SLC4A10: variants seen among roughly 807,000 people sequenced by gnomAD.
SLC4A10 encodes sodium-driven chloride bicarbonate exchanger.
Under a neutral mutation model 137.7 loss-of-function variants are expected in SLC4A10, and 42 were observed. The observed-to-expected ratio is 0.30, with a 90% confidence interval of 0.24 to 0.39. The LOEUF is 0.39. SLC4A10 is among the 10% of genes least tolerant of loss of function. The pLI is 1.00. For synonymous variants in SLC4A10, 474 were observed against 464.1 expected (o/e 1.02, Z -0.27); for missense variants, 925 against 1,355.0 (o/e 0.68, Z 4.98).
intron 2 of SLC4A10, among the ~76,000 whole-genome samples, chr2:161,800,400 A>T (rs1379841259): frequency 6.6e-6 from 1 of 152,036 alleles, no homozygotes; most frequent in Non-Finnish European, 1.5e-5. Flanking sequence ...ATGGATATTT[A>T]TTGAGCACCA....
At chr2:161,767,139 A>ATATATATATATATATG (rs1362865580) in intron 1 of SLC4A10, among the ~76,000 whole-genome samples, 1 of 57,108 alleles carries the variant, frequency 1.8e-5, no homozygotes, top group African/African-American at 5.6e-5. Context: ...ATATATATAT[A>ATATATATATATATATG]TGTGTGTGTG....
intron 2 of SLC4A10, among the ~76,000 whole-genome samples, chr2:161,779,047 C>T (rs768260704): frequency 3.3e-5 from 5 of 151,882 alleles, no homozygotes; most frequent in Non-Finnish European, 5.9e-5. Flanking sequence ...AACTATGGCA[C>T]CGGCATCTTC....
intron 1 of SLC4A10, among the ~76,000 whole-genome samples, chr2:161,676,396 A>G (rs1032990513): frequency 6.6e-6 from 1 of 152,116 alleles, no homozygotes; most frequent in Non-Finnish European, 1.5e-5. Flanking sequence ...ATTTTTTGCT[A>G]GACTTTTGCT....
intron 2 of SLC4A10, among the ~76,000 whole-genome samples, chr2:161,787,779 A>G (rs1464441767): frequency 1.3e-5 from 2 of 152,108 alleles, no homozygotes; most frequent in Admixed American, 6.6e-5. Flanking sequence ...TTCTATTTTT[A>G]TAAATATAGC....
At chr2:161,807,060 A>C (rs1461034604) in intron 3 of SLC4A10, among the ~76,000 whole-genome samples, 1 of 152,168 alleles carries the variant, frequency 6.6e-6, no homozygotes, top group Non-Finnish European at 1.5e-5. Context: ...TGTGAATGGC[A>C]GCAGGTAAAG....
intron 1 of SLC4A10, among the ~76,000 whole-genome samples, chr2:161,746,782 A>C (rs1326862311): frequency 6.6e-6 from 1 of 151,936 alleles, no homozygotes; most frequent in Non-Finnish European, 1.5e-5. Context: ...AGGCCCAAGC[A>C]CTCTTTAGTC....
At chr2:161,837,044 T>C (rs55970269) in intron 3 of SLC4A10, among the ~76,000 whole-genome samples, 10,210 of 152,176 alleles carry the variant, frequency 0.067, 440 homozygotes, top group East Asian at 0.17. Context: ...TTTCCCCCTG[T>C]GACCAGGAAC....
chr2:161,677,255 A>G (rs949758547), intron 1 of SLC4A10, among the ~76,000 whole-genome samples: 3 of 151,994 alleles, frequency 2.0e-5, no homozygotes, highest in African/African-American at 7.2e-5. Flanking sequence ...CTTGCCTTCC[A>G]CCACAAGTGA....
At chr2:161,829,591 T>G (rs978358079) in intron 3 of SLC4A10, among the ~76,000 whole-genome samples, 16 of 152,186 alleles carry the variant, frequency 1.1e-4, no homozygotes, top group African/African-American at 3.9e-4. Flanking sequence ...TCCACTTTGT[T>G]TTTTATACTA....
chr2:161,947,864 T>C lies in SLC4A10; in HGVS notation c.2265+137T>C. On this transcript the variant is annotated intron_variant, in intron 17 of 26. Coordinates refer to ENST00000446997, the MANE Select transcript of SLC4A10 (RefSeq NM_001178015.2). ...TTAGTTGTGGAGTGAGATGAGGGGCTGAAGAGAAAGAATTTGTGATGCAGG... is the reference window on the plus strand; with the variant it reads ...TTAGTTGTGGAGTGAGATGAGGGGCCGAAGAGAAAGAATTTGTGATGCAGG... 1.0e-5 allele frequency: 10 copies of C among 955,802 alleles called. No homozygotes were observed. The South Asian group carries it at 1.5e-4, about 14-fold the overall frequency. 59.2% of individuals were successfully genotyped at this position (955,802 alleles called of 1,614,324 possible).
chr2:161,880,532 G>A (rs1196473558), intron 9 of SLC4A10, among the ~76,000 whole-genome samples: 1 of 152,080 alleles, frequency 6.6e-6, no homozygotes, highest in African/African-American at 2.4e-5. Flanking sequence ...ATTATAGAAA[G>A]AAGTCTATGT....
chr2:161,860,936 T>C (rs2060401759), intron 5 of SLC4A10, among the ~76,000 whole-genome samples: 1 of 152,222 alleles, frequency 6.6e-6, no homozygotes, highest in Non-Finnish European at 1.5e-5. Flanking sequence ...GAAGTTAATA[T>C]GTTGTGATGT....
In SLC4A10 at chr2:161,984,303, T is replaced by C. The variant is rs995915933; in HGVS notation, c.*1151T>C. The C allele has an allele frequency of 7.2e-5, 11 of 152,290 alleles. No homozygotes were observed. The South Asian group carries it at 2.3e-3, about 32-fold the overall frequency. The allele number at this position is 152,290 out of a possible 1,614,324, so 9.4% of individuals were successfully genotyped here. A position where few individuals can be genotyped will look rare whatever the true frequency, so the allele number is the denominator to read the frequency against. Reference sequence around the variant, plus strand: ...GGTTCTGTAGATATTTCAGTCCATATAAAATAATACATCTTTACTAAACTT... The same window carrying C: ...GGTTCTGTAGATATTTCAGTCCATACAAAATAATACATCTTTACTAAACTT... On this transcript the variant is annotated 3_prime_UTR_variant, in exon 27 of 27. Transcript: ENST00000446997.
intron 1 of SLC4A10, among the ~76,000 whole-genome samples, chr2:161,697,573 C>A (rs2042664657): frequency 6.6e-6 from 1 of 152,142 alleles, no homozygotes; most frequent in Non-Finnish European, 1.5e-5. Context: ...ATCTTGTCCC[C>A]ATTTCTTGTT....
intron 8 of SLC4A10, among the ~76,000 whole-genome samples, chr2:161,877,412 A>C (rs981555433): frequency 6.6e-6 from 1 of 152,096 alleles, no homozygotes; most frequent in Non-Finnish European, 1.5e-5. Flanking sequence ...AACAGAAAGG[A>C]TTATGAGATT....
intron 1 of SLC4A10, among the ~76,000 whole-genome samples, chr2:161,625,550 A>G (rs138030220): frequency 5.3e-5 from 8 of 152,114 alleles, no homozygotes; most frequent in Non-Finnish European, 1.0e-4. Flanking sequence ...GCTCCCTGTT[A>G]CTAAGGTTGG....
At position 161,903,993 on chromosome 2, in the gene SLC4A10, C is replaced by T. The variant is rs1683745571; in HGVS notation, c.1443-11C>T. 1.9e-6 allele frequency: 3 copies of T among 1,555,472 alleles called. No homozygotes were observed. The highest frequency in any genetic ancestry group is 2.6e-6 in the Non-Finnish European group (3 of 1,148,474). On this transcript the variant is annotated splice_polypyrimidine_tract_variant and intron_variant, in intron 12 of 26. Coordinates refer to ENST00000446997, the MANE Select transcript of SLC4A10 (RefSeq NM_001178015.2). ...TTGGGTTTCACTATTGTGTTTTCCC[C>T]CCTGTCTTAGGATTTTTGGGGGACT...
chr2:161,843,228 A>G (rs188762373), intron 4 of SLC4A10, among the ~76,000 whole-genome samples: 7 of 152,248 alleles, frequency 4.6e-5, no homozygotes, highest in Non-Finnish European at 8.8e-5. Context: ...TCATAAAGCT[A>G]GGAGATTGCA....
intron 15 of SLC4A10, among the ~76,000 whole-genome samples, chr2:161,913,642 A>G (rs554268131): frequency 6.6e-6 from 1 of 152,284 alleles, no homozygotes; most frequent in African/African-American, 2.4e-5. Context: ...GATAAGATCT[A>G]TTTTATAGAA....
Sources: allele counts gnomAD v4.1 joint callset (sites outside exome capture counted in the v4.1 genomes callset), GRCh38; gene constraint gnomAD v4.1.1; transcripts MANE v1.5; gene names NCBI Gene and HGNC (gene_info 2026-07-23, HGNC 2026-07-21).